REPS2: variants seen among roughly 807,000 people sequenced by gnomAD.
REPS2 encodes the protein ralBP1-associated Eps domain-containing protein 2.
In REPS2, 23 loss-of-function variants were observed where a neutral mutation model predicts 53.6. The observed-to-expected ratio is 0.43, with a 90% CI of 0.31 to 0.61. The LOEUF is 0.61. REPS2 is among the 20% of genes least tolerant of loss of function. The pLI is 0.11. For missense variants in REPS2, 446 were observed against 534.9 expected, an observed-to-expected ratio of 0.83 and a Z score of 1.64; for synonymous variants, 238 against 218.6, an observed-to-expected ratio of 1.09 and a Z score of -0.78.
chrX:17,010,854 C>T (rs374869718), intron 2 of REPS2, among the ~76,000 whole-genome samples: 1 of 111,156 alleles, frequency 9.0e-6, no homozygotes, highest in Non-Finnish European at 1.9e-5. Flanking sequence ...TCAACCTTGT[C>T]GGCACTTGAG....
intron 5 of REPS2, among the ~76,000 whole-genome samples, chrX:17,033,954 C>T (rs1162736581): frequency 8.9e-6 from 1 of 112,430 alleles, no homozygotes; most frequent in Non-Finnish European, 1.9e-5. Context: ...TTACTCTTCA[C>T]CCTCACTTTT....
chrX:16,968,482 ACCTC>A (rs1369624600), intron 1 of REPS2, among the ~76,000 whole-genome samples: 1 of 98,504 alleles, frequency 1.0e-5, no homozygotes, highest in African/African-American at 3.9e-5. Flanking sequence ...TGACACCCCC[ACCTC>A]CCTCCCGGAC....
intron 2 of REPS2, among the ~76,000 whole-genome samples, chrX:17,015,373 C>A (rs2061478395): frequency 8.9e-6 from 1 of 111,914 alleles, no homozygotes; most frequent in East Asian, 2.8e-4. Context: ...AGACAAGGGT[C>A]AACAACCTTT....
chrX:16,976,890 C>CT (rs1280260804), intron 1 of REPS2, among the ~76,000 whole-genome samples: 1 of 111,097 alleles, frequency 9.0e-6, no homozygotes, highest in Admixed American at 9.5e-5. Flanking sequence ...TTGGGTATCT[C>CT]TTTTTTTTCC....
intron 8 of REPS2, among the ~76,000 whole-genome samples, chrX:17,059,136 A>G (rs2062117842): frequency 9.4e-6 from 1 of 106,187 alleles, no homozygotes. Flanking sequence ...TCAGCTTCCA[A>G]AGTAGCTGGG....
In REPS2 at chrX:17,149,062, CAA is replaced by C; in HGVS notation, c.*1583_*1584del. On this transcript the variant is annotated 3_prime_UTR_variant, in exon 18 of 18. Transcript: ENST00000357277. ...AGATGATGTTTTTTCCACAGAAAAA[CAA>C]ATTGTTGAATCTATTCCGTGCATAT... 2.8e-6 allele frequency: 1 copy of C among 353,079 alleles called. No homozygotes were observed. The highest frequency in any genetic ancestry group is 5.5e-6 in the Non-Finnish European group (1 of 182,351). 29.1% of individuals were successfully genotyped at this position (353,079 alleles called of 1,213,427 possible).
At chrX:17,162,002 G>T in the REPS2 span, among the ~76,000 whole-genome samples, 1 of 112,052 alleles carries the variant, frequency 8.9e-6, no homozygotes, top group African/African-American at 3.2e-5. Context: ...CCTCTCCCCA[G>T]TTCTGTGATA....
chrX:17,195,267 T>G, the REPS2 span, among the ~76,000 whole-genome samples: 1 of 112,430 alleles, frequency 8.9e-6, no homozygotes, highest in Admixed American at 9.4e-5. Flanking sequence ...ATTTATTTAT[T>G]TGTTGCTTCT....
chrX:17,160,795 G>T, the REPS2 span, among the ~76,000 whole-genome samples: 2 of 112,232 alleles, frequency 1.8e-5, no homozygotes, highest in Non-Finnish European at 3.8e-5. Flanking sequence ...ATGGAGTTTG[G>T]CTGGACTTAA....
intron 1 of REPS2, among the ~76,000 whole-genome samples, chrX:16,982,815 G>A (rs944643419): frequency 1.8e-5 from 2 of 112,079 alleles, no homozygotes; most frequent in Admixed American, 9.5e-5. Flanking sequence ...CCATCAGCTT[G>A]TGTATCAGAA....
At chrX:17,085,597 G>A (rs975301198) in intron 13 of REPS2, among the ~76,000 whole-genome samples, 1 of 111,870 alleles carries the variant, frequency 8.9e-6, no homozygotes, top group Non-Finnish European at 1.9e-5. Context: ...TTTGTTAAAT[G>A]TATTCCTAAA....
At chrX:17,059,269 G>A (rs186793885) in intron 8 of REPS2, among the ~76,000 whole-genome samples, 1,376 of 103,620 alleles carry the variant, frequency 0.013, 16 homozygotes, top group Non-Finnish European at 0.02. Context: ...CTCGGCCTCC[G>A]AAAGTGCTGG....
intron 1 of REPS2, among the ~76,000 whole-genome samples, chrX:17,000,070 C>T (rs868466291): frequency 1.0e-5 from 1 of 97,110 alleles, no homozygotes; most frequent in African/African-American, 4.0e-5. Flanking sequence ...AAAAAAAAAG[C>T]AAAATCTTAT....
intron 12 of REPS2, among the ~76,000 whole-genome samples, chrX:17,075,743 C>T (rs899614904): frequency 1.8e-4 from 20 of 112,254 alleles, no homozygotes; most frequent in African/African-American, 5.8e-4. Context: ...GAGGAATGTG[C>T]GCTGTGGGAT....
intron 1 of REPS2, among the ~76,000 whole-genome samples, chrX:16,998,512 T>G (rs993485881): frequency 8.9e-6 from 1 of 112,174 alleles, no homozygotes; most frequent in African/African-American, 3.2e-5. Flanking sequence ...TTTCACACTT[T>G]AGCATGATGA....
chrX:16,980,553 G>A (rs1602583068), intron 1 of REPS2, among the ~76,000 whole-genome samples: 1 of 111,211 alleles, frequency 9.0e-6, no homozygotes, highest in African/African-American at 3.3e-5. Context: ...CACCTGCCTC[G>A]GCCAAAATGC....
the REPS2 span, among the ~76,000 whole-genome samples, chrX:17,184,601 C>T: frequency 6.4e-5 from 7 of 109,674 alleles, no homozygotes; most frequent in African/African-American, 2.0e-4. Flanking sequence ...GAGGAATCGC[C>T]ACACTGACTT....
chrX:16,955,789 G>A (rs1289912186), intron 1 of REPS2, among the ~76,000 whole-genome samples: 1 of 111,753 alleles, frequency 8.9e-6, no homozygotes, highest in Non-Finnish European at 1.9e-5. Flanking sequence ...AAACAACAGA[G>A]ACCAGGAGGT....
At chrX:17,081,985 C>T (rs2062462762) in intron 13 of REPS2, among the ~76,000 whole-genome samples, 1 of 112,089 alleles carries the variant, frequency 8.9e-6, no homozygotes, top group African/African-American at 3.2e-5. Flanking sequence ...TAAGCTGGTA[C>T]CTAACCTCCT....
Sources: gnomAD v4.1 joint callset for allele counts (sites outside exome capture counted in the v4.1 genomes callset) on GRCh38, gnomAD v4.1.1 for gene constraint, MANE v1.5 for transcripts, NCBI Gene and HGNC (gene_info 2026-07-23, HGNC 2026-07-21) for gene names.